The following TTC6 variants were observed in gnomAD, a reference collection of about 807,000 sequenced individuals.
TTC6 encodes tetratricopeptide repeat domain 6.
In TTC6, 172 loss-of-function variants were observed where a neutral mutation model predicts 210.4. That is an observed-to-expected ratio of 0.82 (90% confidence interval 0.72 to 0.93). The LOEUF (loss-of-function observed/expected upper bound fraction) is 0.93, where lower values mean the gene tolerates loss of function less well. Among genes scored for constraint, TTC6 ranks in the 40% least tolerant of loss-of-function variants. The pLI is 0.00. For missense variants in TTC6, 2,414 were observed against 2,318.1 expected (o/e 1.04, Z -0.85); for synonymous variants, 804 against 819.6 (o/e 0.98, Z 0.32).
chr14:37,724,251 T>C (rs1177243782), intron 6 of TTC6, among the ~76,000 whole-genome samples: 2 of 152,150 alleles, frequency 1.3e-5, no homozygotes, highest in Non-Finnish European at 2.9e-5. Context: ...ACAATTATAG[T>C]AGTTTTTCCA....
At chr14:37,704,459 G>C (rs1326979231) in intron 5 of TTC6, among the ~76,000 whole-genome samples, 2 of 151,884 alleles carry the variant, frequency 1.3e-5, no homozygotes, top group Non-Finnish European at 2.9e-5. Flanking sequence ...TACTCTTTTT[G>C]AATTTTTTCT....
At chr14:37,779,565 C>A (rs1343471198) in intron 14 of TTC6, among the ~76,000 whole-genome samples, 1 of 152,132 alleles carries the variant, frequency 6.6e-6, no homozygotes, top group Non-Finnish European at 1.5e-5. Context: ...TTAAGTGTTC[C>A]ATCTTTTCTT....
intron 15 of TTC6, 106 bp downstream of exon 17, chr14:37,787,743 C>A: frequency 1.3e-6 from 1 of 742,014 alleles, no homozygotes; most frequent in Non-Finnish European, 2.0e-6. Flanking sequence ...AATATGTATA[C>A]TACTATATAC....
intron 14 of TTC6, among the ~76,000 whole-genome samples, chr14:37,769,120 A>G (rs965285924): frequency 2.7e-4 from 41 of 151,242 alleles, no homozygotes; most frequent in Admixed American, 1.4e-3. Context: ...ATTTGCGTAT[A>G]TTGAACCAGC....
chr14:37,714,848 T>G, intron 6 of TTC6, 52 bp downstream of exon 8: 3 of 1,494,898 alleles, frequency 2.0e-6, no homozygotes, highest in Non-Finnish European at 1.8e-6. Context: ...GTCCTCAAAC[T>G]TTTTGGCTTC....
chr14:37,628,436 A>C (rs2095664082), intron 1 of TTC6, among the ~76,000 whole-genome samples: 1 of 151,600 alleles, frequency 6.6e-6, no homozygotes, highest in South Asian at 2.1e-4. Flanking sequence ...CATATCCTTC[A>C]CCCCCTTTTT....
chr14:37,676,829 A>G (rs2095770826), intron 1 of TTC6, among the ~76,000 whole-genome samples: 2 of 152,016 alleles, frequency 1.3e-5, no homozygotes, highest in African/African-American at 4.8e-5. Flanking sequence ...TTTGTTTCCC[A>G]TTGAATGTTT....
At chr14:37,805,489 G>A (rs1037081278) in intron 21 of TTC6, among the ~76,000 whole-genome samples, 2 of 151,204 alleles carry the variant, frequency 1.3e-5, no homozygotes, top group Non-Finnish European at 2.9e-5. Context: ...TACGTTCGTG[G>A]GGTGGACATT....
chr14:37,665,617 C>A lies in TTC6; in HGVS notation c.940-14534C>A, dbSNP rs545925105. Among the ~76,000 whole-genome samples the A allele has an allele frequency of 2.6e-4, 39 of 150,544 alleles. 2 individuals are homozygous for A. The South Asian group carries it at 7.9e-3, about 30-fold the overall frequency. ...GTGGCACGTTTACCTGTATAACAAA[C>A]CTGCACGTCCTGCACATGTACCCAT... is the stretch of plus-strand genomic sequence containing the variant. On this transcript the variant is annotated intron_variant, in intron 1 of 30. Coordinates refer to ENST00000553443, the Ensembl canonical transcript of TTC6.
chr14:37,690,425 A>G (rs2095801426), intron 3 of TTC6, among the ~76,000 whole-genome samples: 1 of 152,224 alleles, frequency 6.6e-6, no homozygotes, highest in South Asian at 2.1e-4. Context: ...ATCAATAGAC[A>G]CAGAGTGGCT....
At position 37,796,775 on chromosome 14, in the gene TTC6, CT is replaced by C; in HGVS notation, c.3869-10del. The C allele has an allele frequency of 1.9e-6, 3 of 1,588,140 alleles. No individual in the cohort carries two copies. Among genetic ancestry groups the C allele is most frequent in the Non-Finnish European group, 2.6e-6 (3 of 1,170,800 alleles). ...TTGGCAAAGATATTGATAAACTTTC[CT>C]TCCCTTTTAGGTCTCAGTGAGTTGA... On this transcript the variant is annotated splice_polypyrimidine_tract_variant and intron_variant, in intron 19 of 30. Transcript: ENST00000553443.
At chr14:37,654,675 G>C (rs375001167) in intron 1 of TTC6, among the ~76,000 whole-genome samples, 4 of 152,154 alleles carry the variant, frequency 2.6e-5, no homozygotes, top group African/African-American at 7.2e-5. Context: ...TATATTAAAC[G>C]TAGCCTTAAG....
At position 37,666,824 on chromosome 14, in the gene TTC6, C is replaced by T. The variant is rs147372137; in HGVS notation, c.940-13327C>T. 3.3e-5 allele frequency among the ~76,000 whole-genome samples: 5 copies of T among 150,284 alleles called. 1 individual carries two copies. Among genetic ancestry groups the T allele is most frequent in the Non-Finnish European group, 7.5e-5 (5 of 66,910 alleles). ...CAGGGTTCCAAAGTTACACTGTGGG[C>T]TGGGACCAGGGATGCATTTTGACTT... On this transcript the variant is annotated intron_variant, in intron 1 of 30. Transcript: ENST00000553443.
intron 29 of TTC6, among the ~76,000 whole-genome samples, chr14:37,839,915 C>T (rs906780526): frequency 1.3e-5 from 2 of 152,144 alleles, no homozygotes; most frequent in African/African-American, 4.8e-5. Context: ...ATCCTTTCCC[C>T]ATTTCTTGTT....
At chr14:37,765,080 A>G (rs7156854) in intron 14 of TTC6, among the ~76,000 whole-genome samples, 59,633 of 151,728 alleles carry the variant, frequency 0.39, 12,615 homozygotes, top group Admixed American at 0.48. Flanking sequence ...ACTTAGTTTC[A>G]ATAGTCTATA....
chr14:37,600,397 A>G (rs2095613361), intron 1 of TTC6, among the ~76,000 whole-genome samples: 1 of 152,138 alleles, frequency 6.6e-6, no homozygotes, highest in Admixed American at 6.5e-5. Flanking sequence ...TCCTGCCTCA[A>G]GGCTGGCAGC....
chr14:37,774,679 G>T (rs1356195389), intron 14 of TTC6, among the ~76,000 whole-genome samples: 1 of 152,176 alleles, frequency 6.6e-6, no homozygotes, highest in Non-Finnish European at 1.5e-5. Context: ...TTCATCAAGG[G>T]TGTTGGCCTG....
intron 26 of TTC6, among the ~76,000 whole-genome samples, chr14:37,818,555 T>G (rs1595308855): frequency 6.6e-6 from 1 of 152,202 alleles, no homozygotes; most frequent in East Asian, 1.9e-4. Context: ...ATACCCAGTT[T>G]AGAGAGTGAA....
intron 10 of TTC6, among the ~76,000 whole-genome samples, chr14:37,740,223 A>C (rs1390373537): frequency 6.6e-6 from 1 of 152,088 alleles, no homozygotes; most frequent in Non-Finnish European, 1.5e-5. Flanking sequence ...AGGAATCAAC[A>C]CAGAAATAGT....
Sources: gnomAD v4.1 joint callset for allele counts (sites outside exome capture counted in the v4.1 genomes callset) on GRCh38, gnomAD v4.1.1 for gene constraint, MANE v1.5 for transcripts, NCBI Gene and HGNC (gene_info 2026-07-23, HGNC 2026-07-21) for gene names.